TRIM26: variants seen among roughly 807,000 people sequenced by gnomAD.
The protein encoded by TRIM26 is tripartite motif containing 26.
A neutral mutation model predicts 45.5 loss-of-function variants in TRIM26; 16 were observed. That is an observed-to-expected ratio of 0.35 (90% CI 0.24 to 0.53). The LOEUF (loss-of-function observed/expected upper bound fraction) is 0.53. TRIM26 is among the 20% of genes least tolerant of loss of function. The pLI is 0.92. For synonymous variants in TRIM26, 273 were observed against 290.4 expected (o/e 0.94, Z 0.61); for missense variants, 442 against 691.1 (o/e 0.64, Z 4.04).
At chr6:30,212,338 A>G (rs564512915) in intron 1 of TRIM26, among the ~76,000 whole-genome samples, 22 of 152,356 alleles carry the variant, frequency 1.4e-4, no homozygotes, top group Non-Finnish European at 2.6e-4. Context: ...GGGATCATGA[A>G]ACAGAAAAAG....
In TRIM26 at chr6:30,189,964, A is replaced by G. The variant is rs759821874; in HGVS notation, c.788+49T>C. The stretch of plus-strand genomic sequence containing the variant: ...AAATGCACCTGGTCAGAAGCGGGGG[A>G]ACATAAACAAGGGGGATGAGGTACG... On this transcript the variant is annotated intron_variant, in intron 7 of 9. Coordinates refer to ENST00000454678, the MANE Select transcript of TRIM26 (RefSeq NM_003449.5). The surrounding 1 kb of genome is among the most constrained non-coding windows in gnomAD (Gnocchi z 5.0). 1 of 1,610,226 alleles carries G rather than the reference A, an allele frequency of 6.2e-7. No individual in the cohort carries two copies. Among genetic ancestry groups the G allele is most frequent in the Admixed American group, 1.7e-5 (1 of 60,010 alleles).
chr6:30,198,365 C>T lies in TRIM26; in HGVS notation c.534+64G>A. On this transcript the variant is annotated intron_variant, in intron 5 of 9. Coordinates refer to ENST00000454678, the MANE Select transcript of TRIM26 (RefSeq NM_003449.5). This position sits in a 1 kb window ranked among gnomAD's most constrained non-coding sequence, Gnocchi z 6.3. The stretch of plus-strand genomic sequence containing the variant: ...ACACCTCCCAGCTGCCGCCTACTTG[C>T]CCAGGCTCACCCTGCCCTACACGGG... 1 of 1,584,934 alleles carries T rather than the reference C, an allele frequency of 6.3e-7. No individual in the cohort carries two copies. Among genetic ancestry groups the T allele is most frequent in the Non-Finnish European group, 8.6e-7 (1 of 1,157,368 alleles).
Position 30,211,753 on chromosome 6 carries a change from T to C in TRIM26, c.-376+1552A>G, listed in dbSNP as rs1176347806. Among the ~76,000 whole-genome samples, 6 of 152,124 alleles carry C rather than the reference T, an allele frequency of 3.9e-5. No homozygotes were observed. In the East Asian group the frequency reaches 9.6e-4, roughly 24 times the overall value. On this transcript the variant is annotated intron_variant, in intron 1 of 9. Transcript: ENST00000454678. ...TCCCAACAGCCAAAGCCACAGTAAT[T>C]TGAGCAACAAAATTAAGTAGTATTG...
At chr6:30,193,002 A>G (rs1776007450) in intron 6 of TRIM26, among the ~76,000 whole-genome samples, 1 of 147,980 alleles carries the variant, frequency 6.8e-6, no homozygotes. Flanking sequence ...ACTCTGTTCC[A>G]TTGGTCTATG....
At chr6:30,188,371 A>G (rs1775446395) in intron 9 of TRIM26, 1 of 424,570 alleles carries the variant, frequency 2.4e-6, no homozygotes, top group Non-Finnish European at 4.4e-6. Flanking sequence ...CTGCTCTGTA[A>G]GATGGTTCAA....
rs553724846 is a variant in TRIM26, at chr6:30,209,444, C to T, written c.-376+3861G>A. ...GTATTAAGAGGTGGGGTCTTTAAGACGTGACTGGGTCATGAGGGTGTAACT... is the reference window on the plus strand; with the variant it reads ...GTATTAAGAGGTGGGGTCTTTAAGATGTGACTGGGTCATGAGGGTGTAACT... On this transcript the variant is annotated intron_variant, in intron 1 of 9. Transcript: ENST00000454678. This position sits in a 1 kb window ranked among gnomAD's most constrained non-coding sequence, Gnocchi z 4.8. Among the ~76,000 whole-genome samples the T allele has an allele frequency of 2.0e-5, 3 of 152,236 alleles. No individual in the cohort carries two copies. The highest frequency in any genetic ancestry group is 4.8e-5 in the African/African-American group (2 of 41,518).
rs559249617 is a variant in TRIM26, at chr6:30,196,238, A to G, written c.765+278T>C. On this transcript the variant is annotated intron_variant, in intron 6 of 9. Coordinates refer to ENST00000454678, the MANE Select transcript of TRIM26 (RefSeq NM_003449.5). This position sits in a 1 kb window ranked among gnomAD's most constrained non-coding sequence, Gnocchi z 4.9. ...GGCAGTGATGAGGATGGAGGATGGT[A>G]AATGATATTAATAATCTTCCCTTCC... 1.3e-5 allele frequency among the ~76,000 whole-genome samples: 2 copies of G among 152,356 alleles called. No individual in the cohort carries two copies. The highest frequency in any genetic ancestry group is 2.4e-5 in the African/African-American group (1 of 41,578).
In TRIM26 at chr6:30,211,601, A is replaced by T. The variant is rs542659595; in HGVS notation, c.-376+1704T>A. 1.8e-3 allele frequency among the ~76,000 whole-genome samples: 272 copies of T among 152,292 alleles called. 1 individual carries two copies. The highest frequency in any genetic ancestry group is 3.7e-3 in the Admixed American group (57 of 15,296). On this transcript the variant is annotated intron_variant, in intron 1 of 9. Transcript: ENST00000454678. ...AGTCTCCTTACCTCTTAACAAGGGG[A>T]AAATATTTTGCCAAGTTTACCAGGC...
intron 6 of TRIM26, among the ~76,000 whole-genome samples, chr6:30,191,272 T>C (rs1775804636): frequency 6.6e-6 from 1 of 151,952 alleles, no homozygotes; most frequent in South Asian, 2.1e-4. Context: ...CATGCTCAGA[T>C]TCCCTTTTGT....
At chr6:30,188,034 ACGGTGAAACCC>A (rs2127482573) in intron 9 of TRIM26, among the ~76,000 whole-genome samples, 1 of 147,204 alleles carries the variant, frequency 6.8e-6, no homozygotes, top group African/African-American at 2.5e-5. Context: ...CCTGGCTAAC[ACGGTGAAACCC>A]CGTCTCTACT....
In TRIM26 at chr6:30,186,910, C is replaced by T. The variant is rs1245789077; in HGVS notation, c.938-352G>A. 2 of 625,156 alleles carry T rather than the reference C, an allele frequency of 3.2e-6. No individual in the cohort carries two copies. The highest frequency in any genetic ancestry group is 1.9e-5 in the African/African-American group (1 of 53,422). 38.7% of individuals were successfully genotyped at this position (625,156 alleles called of 1,614,324 possible). A position where few individuals can be genotyped will look rare whatever the true frequency, so the allele number is the denominator to read the frequency against. ...TCATCCAAGTGTGGATCACCAGTCC[C>T]TGAAAAATCTGTTCCATTTTCTTCA... On this transcript the variant is annotated intron_variant, in intron 9 of 9. Coordinates refer to ENST00000454678, the MANE Select transcript of TRIM26 (RefSeq NM_003449.5). This position sits in a 1 kb window ranked among gnomAD's most constrained non-coding sequence, Gnocchi z 7.4.
chr6:30,203,003 A>C lies in TRIM26; in HGVS notation c.-266+1653T>G, dbSNP rs188576849. Among the ~76,000 whole-genome samples the C allele has an allele frequency of 2.4e-3, 372 of 151,858 alleles. 2 individuals carry two copies. The highest frequency in any genetic ancestry group is 7.4e-3 in the African/African-American group (308 of 41,456). ...GAACTATTGTGGGAAATTTGTAAGT[A>C]GGCTGGGTGTTAGATCATATTAAAA... On this transcript the variant is annotated intron_variant, in intron 2 of 9. Coordinates refer to ENST00000454678, the MANE Select transcript of TRIM26 (RefSeq NM_003449.5).
At chr6:30,213,246 C>T (rs988339092) in intron 1 of TRIM26, 59 bp downstream of exon 1, 21 of 152,426 alleles carry the variant, frequency 1.4e-4, no homozygotes, top group Admixed American at 1.2e-3. Context: ...TCGCCCCAAA[C>T]CCGGTGAGCG....
Position 30,185,453 on chromosome 6 carries a change from T to C in TRIM26, c.*423A>G, listed in dbSNP as rs999315015. The stretch of plus-strand genomic sequence containing the variant: ...GGGAAGGTGGGCAGCAGAGTGGATT[T>C]GTGCAAGAAGGAACCTGGGGGGTTT... On this transcript the variant is annotated 3_prime_UTR_variant, in exon 10 of 10. Transcript: ENST00000454678. The surrounding 1 kb of genome is among the most constrained non-coding windows in gnomAD (Gnocchi z 5.7). 1 of 189,714 alleles carries C rather than the reference T, an allele frequency of 5.3e-6. No homozygotes were observed. The highest frequency in any genetic ancestry group is 1.1e-5 in the Non-Finnish European group (1 of 93,536). 11.8% of individuals were successfully genotyped at this position (189,714 alleles called of 1,614,324 possible). A position where few individuals can be genotyped will look rare whatever the true frequency, so the allele number is the denominator to read the frequency against.
chr6:30,199,389 C>CACT lies in TRIM26; in HGVS notation c.-161-128_-161-126dup, dbSNP rs763371192. On this transcript the variant is annotated intron_variant, in intron 3 of 9. Transcript: ENST00000454678. Reference sequence around the variant, plus strand: ...TTGGTAGAGTGAAGAGCAGGACAGCCACTAGCCTATACCTTGCTGTTGGGA... The same window carrying CACT: ...TTGGTAGAGTGAAGAGCAGGACAGCCACTACTAGCCTATACCTTGCTGTTGGGA... 4.2e-4 allele frequency: 169 copies of CACT among 398,086 alleles called. 14 individuals carry two copies. The highest frequency in any genetic ancestry group is 1.4e-3 in the East Asian group (37 of 26,980). The allele number at this position is 398,086 out of a possible 1,614,324, so 24.7% of individuals were successfully genotyped here. A position where few individuals can be genotyped will look rare whatever the true frequency, so the allele number is the denominator to read the frequency against.
rs759729996 is a variant in TRIM26 at position 30,184,602 on chromosome 6, C to A, written c.*1274G>T. On this transcript the variant is annotated 3_prime_UTR_variant, in exon 10 of 10. Transcript: ENST00000454678. Reference sequence around the variant, plus strand: ...AAATAAGATGTACATGTGACTCAGGCAGCATGTGACACACACAAAGTGGGC... The same window carrying A: ...AAATAAGATGTACATGTGACTCAGGAAGCATGTGACACACACAAAGTGGGC... 1 of 152,748 alleles carries A rather than the reference C, an allele frequency of 6.5e-6. No homozygotes were observed. The allele number at this position is 152,748 out of a possible 1,614,324, so 9.5% of individuals were successfully genotyped here. A position where few individuals can be genotyped will look rare whatever the true frequency, so the allele number is the denominator to read the frequency against.
rs1775627641 is a variant in TRIM26, at chr6:30,189,815, C to T, written c.788+198G>A. 1 of 653,000 alleles carries T rather than the reference C, an allele frequency of 1.5e-6. No individual in the cohort carries two copies. The highest frequency in any genetic ancestry group is 2.6e-6 in the Non-Finnish European group (1 of 390,536). 40.5% of individuals were successfully genotyped at this position (653,000 alleles called of 1,614,324 possible). A position where few individuals can be genotyped will look rare whatever the true frequency, so the allele number is the denominator to read the frequency against. On this transcript the variant is annotated intron_variant, in intron 7 of 9. Coordinates refer to ENST00000454678, the MANE Select transcript of TRIM26 (RefSeq NM_003449.5). This position sits in a 1 kb window ranked among gnomAD's most constrained non-coding sequence, Gnocchi z 5.0. ...AGTGGGCCAAGGAGCTGGGGCTACA[C>T]AGAGAACCATAAGGAGGAGAGCAAG...
chr6:30,186,053 G>A lies in TRIM26; in HGVS notation c.1443C>T (p.Phe481=). ...WANTSPEAEL[F]PALRPRRVGI... ...CCACTCTCCGGGGCCGCAGTGCTGG[G>A]AAAAGCTCAGCCTCGGGGCTGGTGT... Residue 481 remains phenylalanine (F), a synonymous_variant, in exon 10 of 10, where the codon TTC becomes TTT. Coordinates refer to ENST00000454678, the MANE Select transcript of TRIM26 (RefSeq NM_003449.5). This position sits in a 1 kb window ranked among gnomAD's most constrained non-coding sequence, Gnocchi z 7.4. The A allele has an allele frequency of 1.2e-6, 2 of 1,602,388 alleles. No individual in the cohort carries two copies. Among genetic ancestry groups the A allele is most frequent in the Non-Finnish European group, 1.7e-6 (2 of 1,174,826 alleles).
At chr6:30,212,385 T>C (rs964534860) in intron 1 of TRIM26, among the ~76,000 whole-genome samples, 2 of 152,210 alleles carry the variant, frequency 1.3e-5, no homozygotes, top group Non-Finnish European at 2.9e-5. Flanking sequence ...GAACACACTA[T>C]GGACTTTGGT....
Sources: gnomAD v4.1 joint callset for allele counts (sites outside exome capture counted in the v4.1 genomes callset) on GRCh38, gnomAD v4.1.1 for gene constraint, Gnocchi (gnomAD v3.1) non-coding constraint, MANE v1.5 for transcripts, NCBI Gene and HGNC (gene_info 2026-07-23, HGNC 2026-07-21) for gene names.